The following CDH13 variants were observed in gnomAD, a reference collection of about 807,000 sequenced individuals.
CDH13 encodes cadherin 13, also known as cadherin-13.
A neutral mutation model predicts 63.8 loss-of-function variants in CDH13; 24 were observed. That is an observed-to-expected ratio of 0.38 (90% CI 0.27 to 0.53). CDH13 has a LOEUF of 0.53. CDH13 is among the 20% of genes least tolerant of loss of function. CDH13 has a pLI of 0.85. For synonymous variants in CDH13, 503 were observed against 355.3 expected, an observed-to-expected ratio of 1.42 and a Z score of -4.67; for missense variants, 1,049 against 903.1, an observed-to-expected ratio of 1.16 and a Z score of -2.07.
At chr16:83,692,503 C>A (rs1905010550) in intron 10 of CDH13, among the ~76,000 whole-genome samples, 1 of 152,188 alleles carries the variant, frequency 6.6e-6, no homozygotes, top group Admixed American at 6.5e-5. Flanking sequence ...TCCGTCTGTC[C>A]CGGTTTCTTT....
At chr16:83,287,494 A>C (rs2089348357) in intron 5 of CDH13, among the ~76,000 whole-genome samples, 1 of 152,170 alleles carries the variant, frequency 6.6e-6, no homozygotes. Context: ...TTAGATTCTC[A>C]TACGAGCATG....
At chr16:82,866,125 G>A (rs2040129035) in intron 2 of CDH13, among the ~76,000 whole-genome samples, 2 of 152,076 alleles carry the variant, frequency 1.3e-5, no homozygotes, top group South Asian at 4.1e-4. Flanking sequence ...CACCCTCTGA[G>A]ACCACATCAG....
intron 1 of CDH13, chr16:82,825,406 G>T (rs1366203165): frequency 3.3e-5 from 5 of 151,934 alleles, no homozygotes; most frequent in Admixed American, 6.6e-5. Context: ...TAGTAGCAAA[G>T]TACCTCATTC....
At chr16:83,340,328 A>G (rs62042582) in intron 5 of CDH13, among the ~76,000 whole-genome samples, 9 of 80,612 alleles carry the variant, frequency 1.1e-4, no homozygotes, top group Admixed American at 2.4e-4. Flanking sequence ...GTGTGTGTGT[A>G]TGTGCGCATG....
At chr16:83,713,432 G>A (rs1420363204) in intron 10 of CDH13, among the ~76,000 whole-genome samples, 1 of 152,042 alleles carries the variant, frequency 6.6e-6, no homozygotes, top group African/African-American at 2.4e-5. Flanking sequence ...ACAGAGTTGG[G>A]GAGGGAGGGA....
rs750112519 is a variant in CDH13, at chr16:82,770,163, G to A, written c.46-88199G>A. On this transcript the variant is annotated intron_variant, in intron 1 of 13. Coordinates refer to ENST00000567109, the MANE Select transcript of CDH13 (RefSeq NM_001257.5). The stretch of plus-strand genomic sequence containing the variant: ...CTGCCACAGAACCTGGCTGTGATTT[G>A]GTCTTATTAGAAAACAAATTTGGAA... 1.1e-4 allele frequency among the ~76,000 whole-genome samples: 16 copies of A among 152,184 alleles called. 1 individual carries two copies. The highest frequency in any genetic ancestry group is 2.2e-4 in the Non-Finnish European group (15 of 68,034).
chr16:82,709,638 A>G (rs2031761127), intron 1 of CDH13, among the ~76,000 whole-genome samples: 1 of 152,244 alleles, frequency 6.6e-6, no homozygotes, highest in Non-Finnish European at 1.5e-5. Context: ...CGACTGCGAC[A>G]TAGCAAGTGT....
chr16:82,831,174 G>C (rs2038524673), intron 1 of CDH13, among the ~76,000 whole-genome samples: 1 of 152,238 alleles, frequency 6.6e-6, no homozygotes, highest in South Asian at 2.1e-4. Flanking sequence ...CAAGATTCCA[G>C]ATGATTTGCA....
intron 4 of CDH13, among the ~76,000 whole-genome samples, chr16:83,152,274 C>T (rs189211529): frequency 1.4e-3 from 207 of 152,226 alleles, no homozygotes; most frequent in African/African-American, 4.8e-3. Context: ...TGATCCACGA[C>T]AAGGAAGTCA....
At chr16:83,570,233 C>T (rs1183058424) in intron 7 of CDH13, among the ~76,000 whole-genome samples, 1 of 152,068 alleles carries the variant, frequency 6.6e-6, no homozygotes, top group African/African-American at 2.4e-5. Flanking sequence ...TCGTAGATGC[C>T]AAACAGAGTA....
chr16:83,021,992 A>G (rs1915389028), intron 2 of CDH13, among the ~76,000 whole-genome samples: 1 of 152,184 alleles, frequency 6.6e-6, no homozygotes, highest in African/African-American at 2.4e-5. Context: ...ATGCTGGTGA[A>G]ATGAGAGTAT....
chr16:83,379,938 T>TATATATATATAGAGAGAGAGAGAGAGAG, intron 6 of CDH13, among the ~76,000 whole-genome samples: 53 of 123,440 alleles, frequency 4.3e-4, no homozygotes, highest in African/African-American at 1.2e-3. Flanking sequence ...TATATATATA[T>TATATATATATAGAGAGAGAGAGAGAGAG]AGAGAGAGAG....
At chr16:83,061,702 G>T (rs1446755565) in intron 3 of CDH13, among the ~76,000 whole-genome samples, 1 of 152,164 alleles carries the variant, frequency 6.6e-6, no homozygotes, top group Non-Finnish European at 1.5e-5. Context: ...AAACTCCAGT[G>T]AGCTAAAAAG....
intron 1 of CDH13, among the ~76,000 whole-genome samples, chr16:82,807,094 T>TC (rs1567555032): frequency 6.6e-6 from 1 of 151,964 alleles, no homozygotes; most frequent in African/African-American, 2.4e-5. Context: ...ATGCCTTTTT[T>TC]TTTTTTTTTC....
At chr16:83,338,683 T>C (rs1346135066) in intron 5 of CDH13, among the ~76,000 whole-genome samples, 3 of 152,202 alleles carry the variant, frequency 2.0e-5, no homozygotes, top group East Asian at 1.9e-4. Flanking sequence ...ATCTGAAGGA[T>C]GAATAGCGGC....
intron 3 of CDH13, among the ~76,000 whole-genome samples, chr16:83,109,919 G>C (rs1477827562): frequency 6.6e-6 from 1 of 152,170 alleles, no homozygotes; most frequent in African/African-American, 2.4e-5. Flanking sequence ...GATTTGTGTT[G>C]TTATTGCTCC....
chr16:83,537,768 T>G lies in CDH13; in HGVS notation c.960+51113T>G, dbSNP rs564496283. 3.9e-5 allele frequency among the ~76,000 whole-genome samples: 6 copies of G among 152,328 alleles called. No individual in the cohort carries two copies. The South Asian group carries it at 1.2e-3, about 32-fold the overall frequency. On this transcript the variant is annotated intron_variant, in intron 7 of 13. Transcript: ENST00000567109. ...TTTGAGAATATCACATTTTAGCCCC[T>G]TGGAAGGAATTGTACTCTGGAATTA...
chr16:82,679,662 A>T (rs1306243221), intron 1 of CDH13, among the ~76,000 whole-genome samples: 1 of 152,184 alleles, frequency 6.6e-6, no homozygotes, highest in Admixed American at 6.5e-5. Context: ...AACATTGTTT[A>T]ATCAGCCTTG....
chr16:83,720,996 T>C (rs1909622948), intron 10 of CDH13: 1 of 152,262 alleles, frequency 6.6e-6, no homozygotes, highest in Non-Finnish European at 1.5e-5. Context: ...GTTTCATGTA[T>C]GCACCTGTAT....
Sources: gnomAD v4.1 joint callset for allele counts (sites outside exome capture counted in the v4.1 genomes callset) on GRCh38, gnomAD v4.1.1 for gene constraint, MANE v1.5 for transcripts, NCBI Gene and HGNC (gene_info 2026-07-23, HGNC 2026-07-21) for gene names.